The following SAP130 variants were observed in gnomAD, a reference collection of about 807,000 sequenced individuals.
SAP130 encodes Sin3A associated protein 130.
In SAP130, 16 loss-of-function variants were observed where a neutral mutation model predicts 103.2. The ratio of observed to expected loss-of-function variants is 0.16; its 90% CI spans 0.10 to 0.24. The LOEUF (loss-of-function observed/expected upper bound fraction) is 0.24, where lower values mean the gene tolerates loss of function less well. SAP130 is among the 10% of genes least tolerant of loss of function. The pLI is 1.00. For synonymous variants in SAP130, 477 were observed against 497.0 expected, an observed-to-expected ratio of 0.96 and a Z score of 0.53; for missense variants, 990 against 1,359.7, an observed-to-expected ratio of 0.73 and a Z score of 4.28.
At chr2:127,961,538 C>G (rs1324206902) in intron 15 of SAP130, among the ~76,000 whole-genome samples, 2 of 142,142 alleles carry the variant, frequency 1.4e-5, no homozygotes, top group African/African-American at 5.2e-5. Flanking sequence ...TTTTTTGACT[C>G]AATTGGGTTG....
rs929063269 is a variant in SAP130, at chr2:127,967,274, T to C, written c.2063+10711A>G. On this transcript the variant is annotated intron_variant, in intron 15 of 20. Coordinates refer to ENST00000643581, the MANE Select transcript of SAP130 (RefSeq NM_001330301.2). ...CTCATGTTAAGTGTTCATACCACAA[T>C]AAAGAGAAAAAGAAACAGCAATTAT... Among the ~76,000 whole-genome samples the C allele has an allele frequency of 3.9e-5, 6 of 152,112 alleles. No homozygotes were observed. The East Asian group carries it at 9.6e-4, about 24-fold the overall frequency.
At chr2:127,995,103 A>G (rs1349927860) in intron 11 of SAP130, among the ~76,000 whole-genome samples, 1 of 152,174 alleles carries the variant, frequency 6.6e-6, no homozygotes, top group Non-Finnish European at 1.5e-5. Flanking sequence ...GGGGGAAGCG[A>G]TGGGGTTGAA....
Position 127,955,239 on chromosome 2 carries a change from A to G in SAP130, c.2169T>C (p.Pro723=), listed in dbSNP as rs1251155306. The G allele has an allele frequency of 6.2e-7, 1 of 1,614,038 alleles. No homozygotes were observed. Among genetic ancestry groups the G allele is most frequent in the African/African-American group, 1.3e-5 (1 of 74,988 alleles). ...TCGGTGGGGGCTGCTGGGCAGTTGG[A>G]GGGACGGCAATGGTAGGCTGATCAT... ...QNNDQPTIAV[P]PTAQQPPPTI... The change falls in exon 16 of 21, where the codon CCT becomes CCC. Residue 723 remains proline, a synonymous_variant. Transcript: ENST00000643581. The surrounding 1 kb of genome is among the most constrained non-coding windows in gnomAD (Gnocchi z 4.9).
intron 16 of SAP130, 34 bp downstream of exon 16, chr2:127,954,952 T>C (rs761303781): frequency 1.1e-5 from 16 of 1,470,482 alleles, no homozygotes; most frequent in Non-Finnish European, 1.5e-5. Flanking sequence ...GAAGAGGCAA[T>C]TGCCAATGGA....
At chr2:128,008,839 C>T (rs1015376412) in intron 7 of SAP130, among the ~76,000 whole-genome samples, 3 of 151,908 alleles carry the variant, frequency 2.0e-5, no homozygotes, top group Non-Finnish European at 4.4e-5. Flanking sequence ...GTACACACCA[C>T]CATGCCTGGC....
intron 15 of SAP130, among the ~76,000 whole-genome samples, chr2:127,958,043 T>C (rs777950733): frequency 2.0e-4 from 30 of 152,324 alleles, no homozygotes; most frequent in Non-Finnish European, 3.8e-4. Context: ...ACCAACCAAC[T>C]GGTACAACAA....
At chr2:127,976,182 A>C (rs1157758724) in intron 15 of SAP130, among the ~76,000 whole-genome samples, 1 of 152,184 alleles carries the variant, frequency 6.6e-6, no homozygotes, top group African/African-American at 2.4e-5. Flanking sequence ...GTGCAAACTG[A>C]CAACTGCAAG....
intron 19 of SAP130, among the ~76,000 whole-genome samples, chr2:127,944,913 A>G (rs2104849882): frequency 6.6e-6 from 1 of 151,868 alleles, no homozygotes; most frequent in East Asian, 1.9e-4. Context: ...AAAAAAAAAA[A>G]AAAAAAAAAA....
rs1402487044 is a variant in SAP130 at position 128,000,159 on chromosome 2, C to G, written c.1018-13G>C. ...TGAAGATTGTTTTCTGTGAGGGAAA[C>G]CCCACAACACAGTTATAAGAACATT... On this transcript the variant is annotated splice_polypyrimidine_tract_variant and intron_variant, in intron 8 of 20. Transcript: ENST00000643581. The G allele has an allele frequency of 6.2e-7, 1 of 1,613,540 alleles. No homozygotes were observed. Among genetic ancestry groups the G allele is most frequent in the Admixed American group, 1.7e-5 (1 of 60,016 alleles).
At chr2:128,012,134 T>C (rs1472486948) in intron 6 of SAP130, among the ~76,000 whole-genome samples, 3 of 152,168 alleles carry the variant, frequency 2.0e-5, no homozygotes, top group Non-Finnish European at 2.9e-5. Context: ...CTTTCAACAG[T>C]ATTACTTTAA....
chr2:127,987,421 A>G (rs1682481009), intron 13 of SAP130, among the ~76,000 whole-genome samples: 1 of 152,132 alleles, frequency 6.6e-6, no homozygotes. Flanking sequence ...CCTGACCTTA[A>G]GTGATCCACC....
At chr2:127,968,161 T>C (rs1324220416) in intron 15 of SAP130, among the ~76,000 whole-genome samples, 8 of 150,508 alleles carry the variant, frequency 5.3e-5, no homozygotes, top group Non-Finnish European at 1.2e-4. Flanking sequence ...CAAACTGGAG[T>C]GCAATGGCAC....
intron 15 of SAP130, among the ~76,000 whole-genome samples, chr2:127,965,246 G>A (rs967172312): frequency 6.6e-6 from 1 of 152,090 alleles, no homozygotes; most frequent in African/African-American, 2.4e-5. Flanking sequence ...GTGGTGAGCC[G>A]AGATTGCGCC....
chr2:128,001,296 A>T (rs556017176), intron 7 of SAP130, among the ~76,000 whole-genome samples: 6 of 152,242 alleles, frequency 3.9e-5, no homozygotes, highest in Non-Finnish European at 8.8e-5. Flanking sequence ...TCCCAGCAGG[A>T]GGACCGCTTA....
At chr2:127,965,060 G>A (rs1680558055) in intron 15 of SAP130, among the ~76,000 whole-genome samples, 1 of 149,650 alleles carries the variant, frequency 6.7e-6, no homozygotes, top group Non-Finnish European at 1.5e-5. Flanking sequence ...CCTTTGGGAG[G>A]CCAAGGTGGG....
intron 7 of SAP130, 78 bp from the exon 8 acceptor site, chr2:128,000,532 A>G: frequency 6.5e-7 from 1 of 1,533,198 alleles, no homozygotes; most frequent in Non-Finnish European, 8.9e-7. Flanking sequence ...TGCAAGTTAT[A>G]CTTTTTCATA....
intron 15 of SAP130, among the ~76,000 whole-genome samples, chr2:127,958,686 A>AGAGAGAGAG (rs1680025152): frequency 2.0e-5 from 2 of 100,992 alleles, no homozygotes; most frequent in African/African-American, 4.1e-5. Flanking sequence ...GAGAGAGAGA[A>AGAGAGAGAG]TCTCTCACTG....
rs775569538 is a variant in SAP130 at position 128,026,208 on chromosome 2, C to A, written c.85G>T (p.Ala29Ser). ...APSQIANSGSAGLINPAATVN... is the reference protein window; with the variant it reads ...APSQIANSGSSGLINPAATVN... ...GTAGCAGCTGGGTTTATCAATCCAG[C>A]AGAACCACTGTTTGCAATCTGAGAA... is the stretch of plus-strand genomic sequence containing the variant. The change falls in exon 2 of 21, where the codon GCT becomes TCT. Residue 29 changes from alanine (A) to serine (S), a missense_variant. Physicochemically the swap from Ala to Ser is moderately conservative, Grantham distance 99. Coordinates refer to ENST00000643581, the MANE Select transcript of SAP130 (RefSeq NM_001330301.2). The A allele has an allele frequency of 3.1e-6, 5 of 1,613,658 alleles. No individual in the cohort carries two copies. In the African/African-American group the frequency reaches 6.7e-5, roughly 22 times the overall value.
In SAP130 at chr2:128,026,277, A is replaced by G; in HGVS notation, c.16T>C (p.Phe6Leu). ...GTAGAAGGGGCTCCTAACCGAGGAA[A>G]CTGTTGAGAACTCATTTCCACCTGT... MSSQQ[F>L]PRLGAPSTGL... The change falls in exon 2 of 21, where the codon TTT becomes CTT. Residue 6 changes from phenylalanine to leucine, a missense_variant. Coordinates refer to ENST00000643581, the MANE Select transcript of SAP130 (RefSeq NM_001330301.2). 3 of 1,613,812 alleles carry G rather than the reference A, an allele frequency of 1.9e-6. No homozygotes were observed. Among genetic ancestry groups the G allele is most frequent in the Non-Finnish European group, 2.5e-6 (3 of 1,179,686 alleles).
Sources: gnomAD v4.1 joint callset for allele counts (sites outside exome capture counted in the v4.1 genomes callset) on GRCh38, gnomAD v4.1.1 for gene constraint, Gnocchi (gnomAD v3.1) non-coding constraint, MANE v1.5 for transcripts, NCBI Gene and HGNC (gene_info 2026-07-23, HGNC 2026-07-21) for gene names.